The following APBA1 variants were observed in gnomAD, a reference collection of about 807,000 sequenced individuals.
APBA1 encodes the protein amyloid-beta A4 precursor protein-binding family A member 1.
APBA1 carries 55 observed loss-of-function variants against 86.6 expected under a neutral mutation model. The observed-to-expected ratio is 0.64, with a 90% confidence interval of 0.51 to 0.80. APBA1 has a LOEUF of 0.80. APBA1 is among the 30% of genes least tolerant of loss of function. The pLI, the probability that APBA1 is intolerant of heterozygous loss-of-function variation, is 0.00. For synonymous variants in APBA1, 511 were observed against 493.9 expected (o/e 1.03, Z -0.46); for missense variants, 1,090 against 1,183.0 (o/e 0.92, Z 1.15).
chr9:69,554,364 G>A (rs1028577910), intron 1 of APBA1, among the ~76,000 whole-genome samples: 2 of 152,182 alleles, frequency 1.3e-5, no homozygotes, highest in African/African-American at 4.8e-5. Context: ...ATCCTAGGGT[G>A]TCACATTCTA....
At chr9:69,508,989 C>A in intron 2 of APBA1, among the ~76,000 whole-genome samples, 3 of 148,058 alleles carry the variant, frequency 2.0e-5, no homozygotes, top group Admixed American at 6.7e-5. Flanking sequence ...AATTGACACC[C>A]TAACATCACA....
chr9:69,583,371 T>C (rs1821953991), intron 1 of APBA1, among the ~76,000 whole-genome samples: 1 of 152,128 alleles, frequency 6.6e-6, no homozygotes, highest in Non-Finnish European at 1.5e-5. Context: ...CCCTTGAACC[T>C]AGTGCCTTCC....
chr9:69,586,744 A>G (rs4744917), intron 1 of APBA1, among the ~76,000 whole-genome samples: 101,791 of 151,990 alleles, frequency 0.67, 34,314 homozygotes, highest in East Asian at 0.82. Flanking sequence ...TAAAAAATGA[A>G]CTATATCTGC....
intron 1 of APBA1, among the ~76,000 whole-genome samples, chr9:69,596,232 C>T (rs971396058): frequency 6.6e-6 from 1 of 152,160 alleles, no homozygotes; most frequent in Non-Finnish European, 1.5e-5. Context: ...AGTAATCCTC[C>T]TGCCTTGGTC....
At chr9:69,489,099 A>T (rs912330514) in intron 2 of APBA1, among the ~76,000 whole-genome samples, 3 of 152,116 alleles carry the variant, frequency 2.0e-5, no homozygotes, top group Non-Finnish European at 4.4e-5. Context: ...CAAGCTACCA[A>T]TGACTTTCTT....
At chr9:69,437,472 T>C (rs1287660193) in intron 11 of APBA1, among the ~76,000 whole-genome samples, 1 of 125,490 alleles carries the variant, frequency 8.0e-6, no homozygotes, top group Non-Finnish European at 1.6e-5. Context: ...ATTGGTCTAT[T>C]CAGAGATTCA....
chr9:69,547,871 GGT>G (rs1482740705), intron 1 of APBA1, among the ~76,000 whole-genome samples: 1 of 152,160 alleles, frequency 6.6e-6, no homozygotes, highest in Non-Finnish European at 1.5e-5. Context: ...CCAAGAGATG[GGT>G]TCAGTGGTGT....
intron 1 of APBA1, among the ~76,000 whole-genome samples, chr9:69,522,603 TATG>T (rs1168428708): frequency 6.6e-6 from 1 of 152,204 alleles, no homozygotes; most frequent in Admixed American, 6.5e-5. Flanking sequence ...CTCTGACAGT[TATG>T]ATACCTGGTG....
At chr9:69,578,146 C>T (rs1821839888) in intron 1 of APBA1, among the ~76,000 whole-genome samples, 1 of 152,208 alleles carries the variant, frequency 6.6e-6, no homozygotes, top group Non-Finnish European at 1.5e-5. Flanking sequence ...TTAGGACATC[C>T]CAGCTGTAGT....
chr9:69,617,432 C>T (rs1822724011), intron 1 of APBA1, among the ~76,000 whole-genome samples: 1 of 151,986 alleles, frequency 6.6e-6, no homozygotes, highest in Non-Finnish European at 1.5e-5. Flanking sequence ...TATATTTATC[C>T]TGGATAATCA....
At chr9:69,440,190 C>T (rs1327505114) in intron 11 of APBA1, among the ~76,000 whole-genome samples, 1 of 152,194 alleles carries the variant, frequency 6.6e-6, no homozygotes, top group Non-Finnish European at 1.5e-5. Flanking sequence ...TCAGTCTGCT[C>T]CTACTGGGGG....
chr9:69,436,237 G>C lies in APBA1; in HGVS notation c.2302-3561C>G, dbSNP rs1034923369. Among the ~76,000 whole-genome samples, 36 of 149,992 alleles carry C rather than the reference G, an allele frequency of 2.4e-4. 3 individuals carry two copies. The highest frequency in any genetic ancestry group is 7.6e-4 in the African/African-American group (31 of 40,862). ...TGATGCCTCCAGCTTTGTTCTTTTA[G>C]CTTAGGATTGACTTGGCAATGTGGG... On this transcript the variant is annotated intron_variant, in intron 11 of 12. Transcript: ENST00000265381.
chr9:69,547,782 A>G (rs1377092380), intron 1 of APBA1, among the ~76,000 whole-genome samples: 1 of 152,130 alleles, frequency 6.6e-6, no homozygotes, highest in Non-Finnish European at 1.5e-5. Flanking sequence ...AGCTTTCCCC[A>G]TTTCAGTCAA....
chr9:69,589,484 T>C (rs796866192), intron 1 of APBA1, among the ~76,000 whole-genome samples: 28 of 152,246 alleles, frequency 1.8e-4, no homozygotes, highest in African/African-American at 6.3e-4. Flanking sequence ...CTTAAAGCAC[T>C]ATACAGAGGG....
chr9:69,651,105 C>T (rs960196044), intron 1 of APBA1, among the ~76,000 whole-genome samples: 13 of 152,072 alleles, frequency 8.5e-5, no homozygotes, highest in African/African-American at 2.9e-4. Flanking sequence ...ACTACTGATA[C>T]GTGTAATAAC....
chr9:69,476,284 G>C (rs937772570), intron 2 of APBA1, 141 bp from the exon 3 acceptor site: 1 of 598,302 alleles, frequency 1.7e-6, no homozygotes, highest in Non-Finnish European at 3.0e-6. Context: ...TCTTAAAAAG[G>C]AGCTGCCAAC....
At chr9:69,580,618 C>T (rs886768777) in intron 1 of APBA1, among the ~76,000 whole-genome samples, 1 of 152,156 alleles carries the variant, frequency 6.6e-6, no homozygotes. Context: ...TTGGCTAGGA[C>T]TCTTAGTGAA....
rs750055149 is a variant in APBA1, at chr9:69,516,539, G to A, written c.672C>T (p.Ala224=). ...RLYEQERDEA[A]AYRQEALGAR... ...CGCCCAGGGCCTCCTGGCGGTACGCGGCCGCCTCGTCGCGCTCCTGCTCGT... is the reference window on the plus strand; with the variant it reads ...CGCCCAGGGCCTCCTGGCGGTACGCAGCCGCCTCGTCGCGCTCCTGCTCGT... Residue 224 remains alanine, a synonymous_variant, in exon 2 of 13, where the codon GCC becomes GCT. Coordinates refer to ENST00000265381, the MANE Select transcript of APBA1 (RefSeq NM_001163.4). This position sits in a 1 kb window ranked among gnomAD's most constrained non-coding sequence, Gnocchi z 7.3. 1 of 1,595,282 alleles carries A rather than the reference G, an allele frequency of 6.3e-7. No homozygotes were observed. The highest frequency in any genetic ancestry group is 8.5e-7 in the Non-Finnish European group (1 of 1,176,690).
At chr9:69,551,305 G>C (rs1440026890) in intron 1 of APBA1, among the ~76,000 whole-genome samples, 5 of 152,140 alleles carry the variant, frequency 3.3e-5, no homozygotes, top group Non-Finnish European at 7.4e-5. Context: ...TCTAATCCCA[G>C]CACTTTGGGA....
Sources: allele counts gnomAD v4.1 joint callset (sites outside exome capture counted in the v4.1 genomes callset), GRCh38; gene constraint gnomAD v4.1.1; non-coding constraint Gnocchi (gnomAD v3.1); transcripts MANE v1.5; gene names NCBI Gene and HGNC (gene_info 2026-07-23, HGNC 2026-07-21).